Variants in PTPRN2 observed in about 807,000 individuals in gnomAD.
PTPRN2 encodes the protein protein tyrosine phosphatase receptor type N2.
Under a neutral mutation model 118.8 loss-of-function variants are expected in PTPRN2, and 74 were observed. The ratio of observed to expected loss-of-function variants is 0.62; its 90% CI spans 0.52 to 0.76. The LOEUF is 0.76. Among genes scored for constraint, PTPRN2 ranks in the 30% least tolerant of loss-of-function variants. PTPRN2 has a pLI of 0.00. For synonymous variants in PTPRN2, 641 were observed against 608.0 expected (o/e 1.05, Z -0.80); for missense variants, 1,481 against 1,394.4 (o/e 1.06, Z -0.99).
At chr7:158,096,528 C>T (rs3752374) in intron 10 of PTPRN2, among the ~76,000 whole-genome samples, 145,118 of 152,380 alleles carry the variant, frequency 0.95, 69,151 homozygotes, top group Middle Eastern at 0.97. Flanking sequence ...TCCACAGTGG[C>T]CTTCCCTTGT....
At chr7:157,736,433 T>C (rs1800300071) in intron 12 of PTPRN2, among the ~76,000 whole-genome samples, 1 of 152,084 alleles carries the variant, frequency 6.6e-6, no homozygotes, top group Non-Finnish European at 1.5e-5. Context: ...CTGGTGTCCT[T>C]ACAAGAAGAG....
At position 157,690,526 on chromosome 7, in the gene PTPRN2, G is replaced by A. The variant is rs1427873634; in HGVS notation, c.1789-7589C>T. On this transcript the variant is annotated intron_variant, in intron 12 of 22. Coordinates refer to ENST00000389418, the MANE Select transcript of PTPRN2 (RefSeq NM_002847.5). This position sits in a 1 kb window ranked among gnomAD's most constrained non-coding sequence, Gnocchi z 7.1. ...CCACCCAACCGCACTACGAGCGCCC[G>A]CGCCCCGCCCGGCACCCCTGGTTAC... Among the ~76,000 whole-genome samples the A allele has an allele frequency of 6.6e-6, 1 of 151,884 alleles. No individual in the cohort carries two copies. The highest frequency in any genetic ancestry group is 2.4e-5 in the African/African-American group (1 of 41,388).
chr7:157,755,389 T>C (rs1386776785), intron 12 of PTPRN2, among the ~76,000 whole-genome samples: 1 of 152,178 alleles, frequency 6.6e-6, no homozygotes, highest in Non-Finnish European at 1.5e-5. Context: ...TGGGTACGAA[T>C]GGGAGTATTT....
chr7:158,413,533 T>C (rs1013011318), intron 2 of PTPRN2, among the ~76,000 whole-genome samples: 3 of 152,210 alleles, frequency 2.0e-5, no homozygotes, highest in African/African-American at 7.2e-5. Context: ...GAGGATCTCT[T>C]GTCCTTAACC....
chr7:158,143,957 C>A (rs1438728386), intron 6 of PTPRN2, among the ~76,000 whole-genome samples: 2 of 152,134 alleles, frequency 1.3e-5, no homozygotes, highest in South Asian at 4.1e-4. Context: ...CGGAGCTCCC[C>A]AGGACTGCAG....
intron 12 of PTPRN2, chr7:157,865,680 T>C (rs1004439931): frequency 2.0e-5 from 3 of 152,186 alleles, no homozygotes; most frequent in Admixed American, 2.0e-4. Flanking sequence ...CACAGCCTTA[T>C]CTGTGTTTCC....
intron 3 of PTPRN2, among the ~76,000 whole-genome samples, chr7:158,266,559 C>T (rs994569488): frequency 4.6e-5 from 7 of 152,034 alleles, no homozygotes; most frequent in Admixed American, 2.6e-4. Context: ...CAGAAAGAGC[C>T]GGGGCCAGTG....
intron 2 of PTPRN2, among the ~76,000 whole-genome samples, chr7:158,437,189 C>A: frequency 1.3e-5 from 2 of 152,190 alleles, no homozygotes; most frequent in East Asian, 3.8e-4. Context: ...CAGGGACCTT[C>A]TTCCAGCTCA....
intron 2 of PTPRN2, among the ~76,000 whole-genome samples, chr7:158,454,505 T>A (rs1818323254): frequency 1.3e-5 from 2 of 148,716 alleles, no homozygotes; most frequent in African/African-American, 2.5e-5. Context: ...CAATCACTGA[T>A]GTGAGGATTG....
chr7:157,613,758 C>T (rs1320486155), intron 15 of PTPRN2, among the ~76,000 whole-genome samples: 2 of 152,224 alleles, frequency 1.3e-5, no homozygotes, highest in Admixed American at 6.5e-5. Context: ...CCTGCACCCG[C>T]GGCAGCCTGA....
intron 12 of PTPRN2, among the ~76,000 whole-genome samples, chr7:157,796,453 G>A (rs1478176173): frequency 6.6e-6 from 1 of 152,214 alleles, no homozygotes; most frequent in African/African-American, 2.4e-5. Context: ...ACTGGGTGCT[G>A]TTTACTGAAC....
chr7:157,734,723 C>A (rs1287808857), intron 12 of PTPRN2, among the ~76,000 whole-genome samples: 2 of 152,176 alleles, frequency 1.3e-5, no homozygotes, highest in Non-Finnish European at 2.9e-5. Flanking sequence ...CATTTGGCTT[C>A]GAAATGATAA....
chr7:158,444,585 AC>A (rs1157135654), intron 2 of PTPRN2, among the ~76,000 whole-genome samples: 2 of 151,908 alleles, frequency 1.3e-5, no homozygotes, highest in Non-Finnish European at 2.9e-5. Context: ...CAGCACCAAG[AC>A]CCCCCTAGAC....
chr7:158,467,329 G>C (rs559638070), intron 2 of PTPRN2, among the ~76,000 whole-genome samples: 1 of 152,098 alleles, frequency 6.6e-6, no homozygotes, highest in East Asian at 1.9e-4. Context: ...ATTGAGTTGA[G>C]TGAGTTCCTT....
At chr7:158,276,282 T>TA (rs1413857476) in intron 3 of PTPRN2, among the ~76,000 whole-genome samples, 1 of 37,748 alleles carries the variant, frequency 2.6e-5, no homozygotes, top group Admixed American at 2.8e-4. Context: ...CAACAGGCTG[T>TA]AAGGCAGCAC....
intron 6 of PTPRN2, among the ~76,000 whole-genome samples, chr7:158,151,891 C>G (rs1290206617): frequency 6.6e-6 from 1 of 152,130 alleles, no homozygotes; most frequent in African/African-American, 2.4e-5. Context: ...ACCATGAATG[C>G]GGCCGGGCGC....
intron 12 of PTPRN2, among the ~76,000 whole-genome samples, chr7:157,856,322 A>G (rs2151217949): frequency 6.6e-6 from 1 of 152,376 alleles, no homozygotes; most frequent in East Asian, 1.9e-4. Flanking sequence ...ATTTCCAAAT[A>G]TTCATTTTCA....
chr7:157,657,542 ACACACAC>A (rs1795614076), intron 13 of PTPRN2, among the ~76,000 whole-genome samples: 2 of 99,666 alleles, frequency 2.0e-5, no homozygotes, highest in South Asian at 4.0e-4. Context: ...ACACATATAC[ACACACAC>A]CACACACACA....
rs150035581 is a variant in PTPRN2 at position 158,569,425 on chromosome 7, C to A, written c.112+18133G>T. 4.0e-3 allele frequency among the ~76,000 whole-genome samples: 605 copies of A among 152,362 alleles called. 4 individuals carry two copies. Among genetic ancestry groups the A allele is most frequent in the African/African-American group, 0.014 (583 of 41,584 alleles). ...CCAGACCCAGATGCGCCCGCTTGGG[C>A]GGACGAGACTCCCTGACACCCTCCC... On this transcript the variant is annotated intron_variant, in intron 1 of 22. Transcript: ENST00000389418.
Sources: allele counts gnomAD v4.1 joint callset (sites outside exome capture counted in the v4.1 genomes callset), GRCh38; gene constraint gnomAD v4.1.1; non-coding constraint Gnocchi (gnomAD v3.1); transcripts MANE v1.5; gene names NCBI Gene and HGNC (gene_info 2026-07-23, HGNC 2026-07-21).